Variants in AAGAB observed in about 807,000 individuals in gnomAD.
The protein encoded by AAGAB is alpha- and gamma-adaptin-binding protein p34.
AAGAB carries 38 observed loss-of-function variants against 44.1 expected under a neutral mutation model. The ratio of observed to expected loss-of-function variants is 0.86; its 90% confidence interval spans 0.67 to 1.13. The LOEUF (loss-of-function observed/expected upper bound fraction) is 1.13. AAGAB is among the 50% of genes most tolerant of loss of function. The pLI, the probability that AAGAB is intolerant of heterozygous loss-of-function variation, is 0.00. For missense variants in AAGAB, 450 were observed against 373.8 expected, an observed-to-expected ratio of 1.20 and a Z score of -1.68; for synonymous variants, 131 against 131.8, an observed-to-expected ratio of 0.99 and a Z score of 0.04.
intron 1 of AAGAB, among the ~76,000 whole-genome samples, chr15:67,240,974 G>T (rs1197609008): frequency 1.3e-5 from 2 of 151,400 alleles, no homozygotes; most frequent in African/African-American, 4.9e-5. Context: ...ACTCTCTTTA[G>T]CATGAATTAG....
intron 1 of AAGAB, among the ~76,000 whole-genome samples, chr15:67,253,863 G>A (rs1964976396): frequency 6.6e-6 from 1 of 152,138 alleles, no homozygotes. Flanking sequence ...ACTTAAAACA[G>A]AAGTCTTGAG....
chr15:67,243,646 G>A (rs1042238119), intron 1 of AAGAB, among the ~76,000 whole-genome samples: 1 of 152,144 alleles, frequency 6.6e-6, no homozygotes, highest in African/African-American at 2.4e-5. Flanking sequence ...CAACAGTGCC[G>A]AAGCTGAGAT....
rs891380346 is a variant in AAGAB, at chr15:67,202,730, G to C, written c.*91C>G. ...ACAAGTCAGGCAGCCAACATGATAA[G>C]GGCAATTTTGGCAAAATATGACTGG... On this transcript the variant is annotated 3_prime_UTR_variant, in exon 10 of 10. Coordinates refer to ENST00000261880, the MANE Select transcript of AAGAB (RefSeq NM_024666.5). 7.2e-6 allele frequency: 9 copies of C among 1,248,300 alleles called. No individual in the cohort carries two copies. The highest frequency in any genetic ancestry group is 9.4e-6 in the Non-Finnish European group (8 of 850,598). 77.3% of individuals were successfully genotyped at this position (1,248,300 alleles called of 1,614,324 possible).
In AAGAB at chr15:67,224,839, C is replaced by T. The variant is rs538135305; in HGVS notation, c.535+6975G>A. ...CTACTGATCTGCCCAACTTGGCCTC[C>T]GAAAGTGCTGGGATTACAGGCATGA... On this transcript the variant is annotated intron_variant, in intron 5 of 9. Coordinates refer to ENST00000261880, the MANE Select transcript of AAGAB (RefSeq NM_024666.5). 4.6e-5 allele frequency among the ~76,000 whole-genome samples: 7 copies of T among 152,152 alleles called. No individual in the cohort carries two copies. In the East Asian group the frequency reaches 7.7e-4, roughly 17 times the overall value.
At chr15:67,228,230 T>G (rs1369309621) in intron 5 of AAGAB, among the ~76,000 whole-genome samples, 1 of 152,222 alleles carries the variant, frequency 6.6e-6, no homozygotes, top group East Asian at 1.9e-4. Context: ...CAAAGAAAAT[T>G]TTGTGAAAAT....
intron 1 of AAGAB, among the ~76,000 whole-genome samples, chr15:67,247,087 G>C (rs1295530891): frequency 6.6e-6 from 1 of 152,160 alleles, no homozygotes; most frequent in African/African-American, 2.4e-5. Flanking sequence ...GAACCCACTG[G>C]GAGGAACAAA....
upstream of AAGAB, chr15:67,255,048 G>A: frequency 1.7e-6 from 2 of 1,148,626 alleles, no homozygotes; most frequent in East Asian, 2.5e-5. Flanking sequence ...TTGGTGCGCC[G>A]CCCCTAGACT....
intron 5 of AAGAB, among the ~76,000 whole-genome samples, chr15:67,223,789 A>G (rs1261320805): frequency 1.3e-5 from 2 of 152,192 alleles, no homozygotes; most frequent in East Asian, 3.8e-4. Context: ...AGCCCCAAAT[A>G]ATCTAGCCCT....
chr15:67,251,024 C>T (rs1016953480), intron 1 of AAGAB, among the ~76,000 whole-genome samples: 1 of 152,046 alleles, frequency 6.6e-6, no homozygotes, highest in Non-Finnish European at 1.5e-5. Context: ...GAGACTCCGT[C>T]TCAATAATTA....
chr15:67,250,902 C>G (rs1456531952), intron 1 of AAGAB, among the ~76,000 whole-genome samples: 1 of 152,140 alleles, frequency 6.6e-6, no homozygotes, highest in East Asian at 1.9e-4. Context: ...TGGTGGGCGC[C>G]TGTAGTCCCA....
chr15:67,220,699 G>A (rs1291974946), intron 5 of AAGAB, among the ~76,000 whole-genome samples: 2 of 152,166 alleles, frequency 1.3e-5, no homozygotes, highest in African/African-American at 4.8e-5. Flanking sequence ...AACCTAACTA[G>A]TAGAGGACCT....
At position 67,236,478 on chromosome 15, in the gene AAGAB, T is replaced by A. The variant is rs763675606; in HGVS notation, c.291A>T (p.Ser97=). 2 of 1,613,962 alleles carry A rather than the reference T, an allele frequency of 1.2e-6. No homozygotes were observed. The highest frequency in any genetic ancestry group is 1.7e-6 in the Non-Finnish European group (2 of 1,179,968). The change falls in exon 3 of 10, where the codon TCA becomes TCT. Residue 97 remains serine, a synonymous_variant. Transcript: ENST00000261880. ...ACCATGCTTTTGCCAGTGGAAGCCATGAGGAGACACTATCAAGGCCCGATT... is the reference window on the plus strand; with the variant it reads ...ACCATGCTTTTGCCAGTGGAAGCCAAGAGGAGACACTATCAAGGCCCGATT... ...TQKSGLDSVS[S]WLPLAKAWLP...
chr15:67,231,761 A>C, intron 5 of AAGAB, 53 bp downstream of exon 5: 3 of 1,392,258 alleles, frequency 2.2e-6, no homozygotes, highest in Non-Finnish European at 3.1e-6. Context: ...TCAATAATTT[A>C]AAACTTACAA....
At chr15:67,211,493 C>T (rs978413486) in intron 5 of AAGAB, among the ~76,000 whole-genome samples, 17 of 152,292 alleles carry the variant, frequency 1.1e-4, no homozygotes, top group African/African-American at 3.6e-4. Context: ...ATTCAAACAT[C>T]AGCATGGTTC....
Position 67,236,724 on chromosome 15 carries a change from T to C in AAGAB, c.170A>G (p.Asp57Gly). The C allele has an allele frequency of 1.2e-6, 2 of 1,613,628 alleles. No homozygotes were observed. Among genetic ancestry groups the C allele is most frequent in the Non-Finnish European group, 1.7e-6 (2 of 1,179,584 alleles). The change falls in exon 2 of 10, where the codon GAC (aspartate) becomes GGC (glycine). Residue 57 changes from aspartate (D) to glycine (G), a missense_variant. Asp to Gly is a moderately conservative substitution (Grantham distance 94). Coordinates refer to ENST00000261880, the MANE Select transcript of AAGAB (RefSeq NM_024666.5). ...GTTTGGCACCACACATAGATTGATG[T>C]CTGCTGAATAGTATTTATTATCAAT... ...WTIDNKYYSA[D>G]INLCVVPNKF...
At chr15:67,229,358 G>A (rs749735369) in intron 5 of AAGAB, among the ~76,000 whole-genome samples, 1 of 151,488 alleles carries the variant, frequency 6.6e-6, no homozygotes, top group Non-Finnish European at 1.5e-5. Context: ...GCTTGAACCC[G>A]GGAGGCAGAG....
chr15:67,229,998 C>T lies in AAGAB; in HGVS notation c.535+1816G>A, dbSNP rs183254680. 1.9e-4 allele frequency among the ~76,000 whole-genome samples: 29 copies of T among 152,010 alleles called. No individual in the cohort carries two copies. In the East Asian group the frequency reaches 2.7e-3, roughly 14 times the overall value. On this transcript the variant is annotated intron_variant, in intron 5 of 9. Coordinates refer to ENST00000261880, the MANE Select transcript of AAGAB (RefSeq NM_024666.5). ...AGTAGCTGGGATTACAGGCACGTGCCATCACACCCAGCTAATTTTTGTATT... is the reference window on the plus strand; with the variant it reads ...AGTAGCTGGGATTACAGGCACGTGCTATCACACCCAGCTAATTTTTGTATT...
chr15:67,208,482 T>C, intron 7 of AAGAB, 80 bp downstream of exon 7: 1 of 1,285,342 alleles, frequency 7.8e-7, no homozygotes, highest in Non-Finnish European at 1.1e-6. Flanking sequence ...TAAAGTCAAT[T>C]TCCCCCTCAA....
rs1454288999 is a variant in AAGAB, at chr15:67,208,553, G to A, written c.715+9C>T. 2 of 1,612,182 alleles carry A rather than the reference G, an allele frequency of 1.2e-6. No homozygotes were observed. The highest frequency in any genetic ancestry group is 1.3e-5 in the African/African-American group (1 of 74,838). ...AAGCTCTCTCTTGGCAGCCAAAGGA[G>A]GAACTTACCCACAATGCTATCAACC... is the stretch of plus-strand genomic sequence containing the variant. On this transcript the variant is annotated intron_variant, in intron 7 of 9. Coordinates refer to ENST00000261880, the MANE Select transcript of AAGAB (RefSeq NM_024666.5).
Sources: gnomAD v4.1 joint callset for allele counts (sites outside exome capture counted in the v4.1 genomes callset) on GRCh38, gnomAD v4.1.1 for gene constraint, MANE v1.5 for transcripts, NCBI Gene and HGNC (gene_info 2026-07-23, HGNC 2026-07-21) for gene names.